The following KIF26B variants were observed in gnomAD, a reference collection of about 807,000 sequenced individuals.
KIF26B encodes the protein kinesin-like protein KIF26B.
KIF26B carries 63 observed loss-of-function variants against 151.2 expected under a neutral mutation model. That is an observed-to-expected ratio of 0.42 (90% CI 0.34 to 0.51). The LOEUF is 0.51. KIF26B is among the 20% of genes least tolerant of loss of function. The probability of loss-of-function intolerance (pLI) is 0.07; values close to 1 mark genes in which losing one functional copy is unlikely to be tolerated. For synonymous variants in KIF26B, 1,357 were observed against 1,262.1 expected, an observed-to-expected ratio of 1.08 and a Z score of -1.59; for missense variants, 2,813 against 2,913.6, an observed-to-expected ratio of 0.97 and a Z score of 0.79.
chr1:245,674,953 CACG>C (rs2044340224), intron 10 of KIF26B, among the ~76,000 whole-genome samples: 2 of 152,210 alleles, frequency 1.3e-5, no homozygotes, highest in South Asian at 4.1e-4. Context: ...AGACCACTGT[CACG>C]TGTGACAACT....
chr1:245,687,652 T>G lies in KIF26B; in HGVS notation c.4669T>G (p.Cys1557Gly). 2 of 1,573,282 alleles carry G rather than the reference T, an allele frequency of 1.3e-6. No individual in the cohort carries two copies. The highest frequency in any genetic ancestry group is 1.2e-5 in the South Asian group (1 of 85,332). The change falls in exon 12 of 15, where the codon TGC becomes GGC. Residue 1557 changes from cysteine to glycine, a missense_variant. By Grantham distance (159) the Cys-to-Gly change is radical. Around this residue, in one of 3 missense-constraint regions of KIF26B, gnomAD observed 2,060 missense variants for 2,088.6 expected, o/e 0.99. Transcript: ENST00000407071. The surrounding 1 kb of genome is among the most constrained non-coding windows in gnomAD (Gnocchi z 4.9). Reference protein sequence around the residue: ...QEEPDSLSYYCAAETNGVGAA... With the variant: ...QEEPDSLSYYGAAETNGVGAA... ...GGAGCCGGACAGCCTCTCCTATTAC[T>G]GCGCTGCTGAGACCAACGGGGTGGG...
chr1:245,371,374 G>A (rs1252033291), intron 3 of KIF26B: 1 of 152,168 alleles, frequency 6.6e-6, no homozygotes, highest in African/African-American at 2.4e-5. Context: ...TCTGAAAGCT[G>A]ACCTCATTTT....
In KIF26B at chr1:245,358,565, C is replaced by T. The variant is rs115514869; in HGVS notation, c.466-8269C>T. On this transcript the variant is annotated intron_variant, in intron 2 of 14. Transcript: ENST00000407071. The surrounding 1 kb of genome is among the most constrained non-coding windows in gnomAD (Gnocchi z 4.1). ...AAAACAGCCAAGTACATTTATGCAG[C>T]ATTTCATGAATATGAAGTCAATTAA... Among the ~76,000 whole-genome samples, 1,388 of 152,304 alleles carry T rather than the reference C, an allele frequency of 9.1e-3. 22 individuals carry two copies. The highest frequency in any genetic ancestry group is 0.04 in the East Asian group (205 of 5,172).
At chr1:245,617,864 TG>T (rs1315874013) in intron 9 of KIF26B, among the ~76,000 whole-genome samples, 1 of 152,112 alleles carries the variant, frequency 6.6e-6, no homozygotes, top group Non-Finnish European at 1.5e-5. Context: ...TCTCTTCTTT[TG>T]GTTTCATAGT....
At position 245,410,334 on chromosome 1, in the gene KIF26B, G is replaced by A. The variant is rs184261793; in HGVS notation, c.1000-9245G>A. On this transcript the variant is annotated intron_variant, in intron 3 of 14. Transcript: ENST00000407071. ...GTTCTTGGCCCTCTTCTCTTGACTC[G>A]GGCCTCACCGTTGATGGTCCTTATG... 5.3e-5 allele frequency among the ~76,000 whole-genome samples: 8 copies of A among 152,242 alleles called. No homozygotes were observed. The East Asian group carries it at 1.2e-3, about 22-fold the overall frequency.
At chr1:245,248,116 T>A (rs2103563635) in intron 2 of KIF26B, among the ~76,000 whole-genome samples, 1 of 150,794 alleles carries the variant, frequency 6.6e-6, no homozygotes, top group African/African-American at 2.4e-5. Flanking sequence ...CTAAGATGCA[T>A]TGCTTTTTTT....
At chr1:245,206,687 A>G (rs1669413081) in intron 2 of KIF26B, 2 of 152,352 alleles carry the variant, frequency 1.3e-5, no homozygotes, top group South Asian at 2.1e-4. Context: ...TACTGCAGCC[A>G]TGCAAAGGAA....
chr1:245,527,854 G>C (rs1404325292), intron 4 of KIF26B, among the ~76,000 whole-genome samples: 1 of 151,988 alleles, frequency 6.6e-6, no homozygotes. Context: ...TTTAATGCAT[G>C]TTTAAATGGA....
At position 245,395,880 on chromosome 1, in the gene KIF26B, T is replaced by G. The variant is rs1037833710; in HGVS notation, c.1000-23699T>G. Among the ~76,000 whole-genome samples the G allele has an allele frequency of 5.9e-5, 9 of 152,352 alleles. No individual in the cohort carries two copies. In the South Asian group the frequency reaches 8.3e-4, roughly 14 times the overall value. On this transcript the variant is annotated intron_variant, in intron 3 of 14. Transcript: ENST00000407071. ...ATCCTTCCTTGGCTACTTCTAGCTC[T>G]GTGACCTTTGGCAAACCTCTGAAAG...
At chr1:245,521,183 A>G (rs1012983191) in intron 4 of KIF26B, among the ~76,000 whole-genome samples, 1 of 152,112 alleles carries the variant, frequency 6.6e-6, no homozygotes, top group Non-Finnish European at 1.5e-5. Flanking sequence ...TAAAAATACA[A>G]AAAATTAGCC....
Position 245,698,861 on chromosome 1 carries a change from C to T in KIF26B, c.6028-26C>T. ...TGGGCTGGGTGTGAGCAGAAGGGCC[C>T]TTTCTCCTCTCTGTCTGTGTGCTAG... On this transcript the variant is annotated intron_variant, in intron 13 of 14. Coordinates refer to ENST00000407071, the MANE Select transcript of KIF26B (RefSeq NM_018012.4). This position sits in a 1 kb window ranked among gnomAD's most constrained non-coding sequence, Gnocchi z 4.0. The T allele has an allele frequency of 1.2e-6, 2 of 1,606,674 alleles. No individual in the cohort carries two copies. Among genetic ancestry groups the T allele is most frequent in the South Asian group, 1.1e-5 (1 of 90,202 alleles).
At chr1:245,182,382 C>T (rs1051423421) in intron 2 of KIF26B, among the ~76,000 whole-genome samples, 3 of 152,176 alleles carry the variant, frequency 2.0e-5, no homozygotes, top group Non-Finnish European at 4.4e-5. Context: ...CAAGGCTCAC[C>T]CTGTTGTAGC....
intron 10 of KIF26B, among the ~76,000 whole-genome samples, chr1:245,673,317 GC>G (rs2044316937): frequency 7.2e-6 from 1 of 139,358 alleles, no homozygotes; most frequent in African/African-American, 2.8e-5. Flanking sequence ...AGTCCCCGCT[GC>G]GCGCTGCCAT....
chr1:245,662,657 A>G (rs2044165937), intron 10 of KIF26B, among the ~76,000 whole-genome samples: 1 of 108,748 alleles, frequency 9.2e-6, no homozygotes, highest in African/African-American at 3.5e-5. Flanking sequence ...CACATCCAAT[A>G]CATACATATA....
chr1:245,303,249 A>T (rs1481650356), intron 2 of KIF26B, among the ~76,000 whole-genome samples: 1 of 130,834 alleles, frequency 7.6e-6, no homozygotes, highest in Non-Finnish European at 1.5e-5. Context: ...CCCAGGCCGG[A>T]GTGCAGTGGC....
intron 9 of KIF26B, 115 bp downstream of exon 9, chr1:245,612,091 TGTGTGTGTGTGTGTGAGAGA>T (rs2043531332): frequency 6.7e-6 from 5 of 744,910 alleles, no homozygotes; most frequent in East Asian, 2.9e-5. Flanking sequence ...TGTGTGTGTG[TGTGTGTGTGTGTGTGAGAGA>T]GAGAGAGAGA....
intron 2 of KIF26B, among the ~76,000 whole-genome samples, chr1:245,297,040 T>G (rs924314519): frequency 2.6e-5 from 4 of 152,192 alleles, no homozygotes; most frequent in African/African-American, 9.6e-5. Flanking sequence ...TTTTATTTGA[T>G]TCTCAAAGTA....
At chr1:245,467,576 C>G (rs1220216404) in intron 4 of KIF26B, among the ~76,000 whole-genome samples, 2 of 152,168 alleles carry the variant, frequency 1.3e-5, no homozygotes, top group Admixed American at 6.5e-5. Context: ...CCCCACCAGT[C>G]TGATATTTTA....
At chr1:245,344,881 G>A (rs1672414620) in intron 2 of KIF26B, among the ~76,000 whole-genome samples, 1 of 151,954 alleles carries the variant, frequency 6.6e-6, no homozygotes, top group Admixed American at 6.6e-5. Flanking sequence ...ACGTTGATTC[G>A]TGGAAAAACA....
Sources: allele counts gnomAD v4.1 joint callset (sites outside exome capture counted in the v4.1 genomes callset), GRCh38; gene constraint gnomAD v4.1.1; regional missense constraint gnomAD v4.1.1; non-coding constraint Gnocchi (gnomAD v3.1); transcripts MANE v1.5; gene names NCBI Gene and HGNC (gene_info 2026-07-23, HGNC 2026-07-21).